The following CNTNAP5 variants were observed in gnomAD, a reference collection of about 807,000 sequenced individuals.
The protein encoded by CNTNAP5 is contactin associated protein family member 5, also known as contactin-associated protein-like 5.
Under a neutral mutation model 150.2 loss-of-function variants are expected in CNTNAP5, and 72 were observed. The observed-to-expected ratio is 0.48, with a 90% CI of 0.40 to 0.58. The LOEUF is 0.58. CNTNAP5 is among the 20% of genes least tolerant of loss of function. The pLI is 0.00. For missense variants in CNTNAP5, 1,636 were observed against 1,626.2 expected (o/e 1.01, Z -0.10); for synonymous variants, 672 against 619.8 (o/e 1.08, Z -1.25).
At chr2:124,191,241 G>T (rs567214084) in intron 1 of CNTNAP5, among the ~76,000 whole-genome samples, 11 of 152,240 alleles carry the variant, frequency 7.2e-5, no homozygotes, top group African/African-American at 2.4e-4. Context: ...ACACAGATCT[G>T]GTTGTTCATA....
intron 12 of CNTNAP5, among the ~76,000 whole-genome samples, chr2:124,626,440 T>G (rs568814207): frequency 6.6e-6 from 1 of 151,728 alleles, no homozygotes; most frequent in South Asian, 2.1e-4. Flanking sequence ...AGAAGCAGAG[T>G]GGGTCATCAT....
intron 1 of CNTNAP5, among the ~76,000 whole-genome samples, chr2:124,213,387 G>C (rs1369523927): frequency 1.3e-5 from 2 of 152,094 alleles, no homozygotes; most frequent in Admixed American, 6.5e-5. Context: ...GTGAGAAAGA[G>C]AAAATAAATA....
rs1421188026 is a variant in CNTNAP5 at position 124,577,542 on chromosome 2, G to A, written c.1756+14219G>A. On this transcript the variant is annotated intron_variant, in intron 11 of 23. Coordinates refer to ENST00000682447, the MANE Select transcript of CNTNAP5 (RefSeq NM_001367498.1). Reference sequence around the variant, plus strand: ...AGGGTTCAACAGTCAACCAAATATTGTGGGTGACACTTGTGCAATTGAAGG... The same window carrying A: ...AGGGTTCAACAGTCAACCAAATATTATGGGTGACACTTGTGCAATTGAAGG... Among the ~76,000 whole-genome samples the A allele has an allele frequency of 2.0e-5, 3 of 152,142 alleles. No individual in the cohort carries two copies. The East Asian group carries it at 5.8e-4, about 29-fold the overall frequency.
intron 1 of CNTNAP5, among the ~76,000 whole-genome samples, chr2:124,114,680 C>A (rs954927321): frequency 1.3e-5 from 2 of 151,698 alleles, no homozygotes; most frequent in Non-Finnish European, 2.9e-5. Context: ...TATAGACAAG[C>A]TTCTTCATTC....
intron 12 of CNTNAP5, among the ~76,000 whole-genome samples, chr2:124,636,899 T>TA (rs199745249): frequency 1.3e-5 from 2 of 151,862 alleles, no homozygotes; most frequent in Non-Finnish European, 2.9e-5. Context: ...TCCTCATCTC[T>TA]TTCTCTTTTT....
intron 2 of CNTNAP5, among the ~76,000 whole-genome samples, chr2:124,236,139 T>C (rs1394684473): frequency 2.0e-5 from 3 of 152,072 alleles, no homozygotes; most frequent in Non-Finnish European, 4.4e-5. Flanking sequence ...TTAATTTTTG[T>C]ATTTTGAGTA....
chr2:124,105,279 A>G (rs1203361194), intron 1 of CNTNAP5, among the ~76,000 whole-genome samples: 1 of 152,220 alleles, frequency 6.6e-6, no homozygotes, highest in African/African-American at 2.4e-5. Flanking sequence ...AATCACTGCC[A>G]TTAAAAACAA....
At chr2:124,728,735 G>A (rs1680210785) in intron 13 of CNTNAP5, among the ~76,000 whole-genome samples, 1 of 151,846 alleles carries the variant, frequency 6.6e-6, no homozygotes, top group South Asian at 2.1e-4. Flanking sequence ...TGGAAAAATT[G>A]GCTTAAAACC....
At chr2:124,845,545 G>A (rs1485532277) in intron 19 of CNTNAP5, among the ~76,000 whole-genome samples, 1 of 151,530 alleles carries the variant, frequency 6.6e-6, no homozygotes, top group Non-Finnish European at 1.5e-5. Flanking sequence ...TTTTGGAATA[G>A]TGTCTATAGG....
chr2:124,196,332 T>C (rs916385077), intron 1 of CNTNAP5, among the ~76,000 whole-genome samples: 1 of 152,186 alleles, frequency 6.6e-6, no homozygotes, highest in Non-Finnish European at 1.5e-5. Context: ...TGATGGACTC[T>C]GGCAGCATCC....
rs114422784 is a variant in CNTNAP5 at position 124,114,405 on chromosome 2, A to T, written c.82+88673A>T. 6.5e-3 allele frequency among the ~76,000 whole-genome samples: 984 copies of T among 152,108 alleles called. 11 individuals are homozygous for T. Among genetic ancestry groups the T allele is most frequent in the African/African-American group, 0.023 (936 of 41,548 alleles). On this transcript the variant is annotated intron_variant, in intron 1 of 23. Transcript: ENST00000682447. ...ATACATTATAAATTGTATCTTATTTAAAAATAGGATCTTCTAATTGTTTAT... is the reference window on the plus strand; with the variant it reads ...ATACATTATAAATTGTATCTTATTTTAAAATAGGATCTTCTAATTGTTTAT...
At chr2:124,747,868 A>C (rs547198953) in intron 14 of CNTNAP5, among the ~76,000 whole-genome samples, 3 of 127,776 alleles carry the variant, frequency 2.3e-5, no homozygotes, top group South Asian at 4.9e-4. Context: ...TGATATCTTG[A>C]CCTCGTGATC....
At chr2:124,403,821 C>T (rs1025676300) in intron 3 of CNTNAP5, among the ~76,000 whole-genome samples, 46 of 152,110 alleles carry the variant, frequency 3.0e-4, no homozygotes, top group African/African-American at 9.9e-4. Flanking sequence ...GCTAGGGAGG[C>T]CTCACAATTA....
intron 12 of CNTNAP5, among the ~76,000 whole-genome samples, chr2:124,629,617 C>A (rs1411945195): frequency 6.6e-6 from 1 of 151,936 alleles, no homozygotes; most frequent in Non-Finnish European, 1.5e-5. Flanking sequence ...TGGGAAAGAT[C>A]TAAAATTGAT....
intron 4 of CNTNAP5, among the ~76,000 whole-genome samples, chr2:124,419,127 C>A (rs11677945): frequency 4.0e-5 from 2 of 49,492 alleles, no homozygotes; most frequent in East Asian, 9.7e-4. Context: ...GGCGACAGAG[C>A]GAGACTCCTT....
chr2:124,264,155 A>C (rs1377634302), intron 3 of CNTNAP5, among the ~76,000 whole-genome samples: 3 of 152,102 alleles, frequency 2.0e-5, no homozygotes, highest in Non-Finnish European at 4.4e-5. Flanking sequence ...TCCCCTTAAA[A>C]ACTGTCTGGA....
chr2:124,494,848 A>G (rs1031600495), intron 7 of CNTNAP5, among the ~76,000 whole-genome samples: 1 of 152,178 alleles, frequency 6.6e-6, no homozygotes, highest in African/African-American at 2.4e-5. Flanking sequence ...GATCCTGAAT[A>G]TTTTTGTCAT....
intron 3 of CNTNAP5, among the ~76,000 whole-genome samples, chr2:124,354,991 G>A (rs1412027480): frequency 6.6e-6 from 1 of 151,738 alleles, no homozygotes. Context: ...TGTAGAAATA[G>A]CTATTCTTAA....
At chr2:124,560,480 C>G (rs1156308283) in intron 10 of CNTNAP5, among the ~76,000 whole-genome samples, 1 of 144,536 alleles carries the variant, frequency 6.9e-6, no homozygotes, top group East Asian at 2.1e-4. Flanking sequence ...GATCTTGCCA[C>G]TGCACTCCAG....
Sources: allele counts gnomAD v4.1 joint callset (sites outside exome capture counted in the v4.1 genomes callset), GRCh38; gene constraint gnomAD v4.1.1; transcripts MANE v1.5; gene names NCBI Gene and HGNC (gene_info 2026-07-23, HGNC 2026-07-21).